The following THSD1 variants were observed in gnomAD, a reference collection of about 807,000 sequenced individuals.
THSD1 encodes the protein thrombospondin type-1 domain-containing protein 1.
Under a neutral mutation model 46.3 loss-of-function variants are expected in THSD1, and 34 were observed. The observed-to-expected ratio is 0.74, with a 90% CI of 0.56 to 0.98. The LOEUF (loss-of-function observed/expected upper bound fraction) is 0.98, where lower values mean the gene tolerates loss of function less well. Among genes scored for constraint, THSD1 ranks in the 50% least tolerant of loss-of-function variants. The pLI is 0.00. For synonymous variants in THSD1, 407 were observed against 416.5 expected (o/e 0.98, Z 0.28); for missense variants, 1,023 against 1,058.3 (o/e 0.97, Z 0.46).
chr13:52,401,392 C>T (rs777639430), intron 2 of THSD1, among the ~76,000 whole-genome samples: 8 of 152,022 alleles, frequency 5.3e-5, no homozygotes, highest in East Asian at 1.9e-4. Flanking sequence ...CTCTGCCTCC[C>T]GGGTTCACGC....
chr13:52,391,818 C>T (rs1363354455), intron 3 of THSD1, among the ~76,000 whole-genome samples: 1 of 151,644 alleles, frequency 6.6e-6, no homozygotes, highest in East Asian at 2.0e-4. Flanking sequence ...GCTGGGATTA[C>T]AGGCGTGAGC....
At chr13:52,404,239 C>T (rs142055577) in intron 1 of THSD1, among the ~76,000 whole-genome samples, 144 of 152,276 alleles carry the variant, frequency 9.5e-4, no homozygotes, top group African/African-American at 3.3e-3. Flanking sequence ...AGCCACCACA[C>T]CCAGCCCACA....
At chr13:52,395,528 G>T (rs1358630637) in intron 3 of THSD1, among the ~76,000 whole-genome samples, 1 of 152,114 alleles carries the variant, frequency 6.6e-6, no homozygotes, top group African/African-American at 2.4e-5. Flanking sequence ...GCAGCACCTG[G>T]AGGCAGGGAA....
intron 3 of THSD1, among the ~76,000 whole-genome samples, chr13:52,389,409 C>A (rs1269737245): frequency 6.6e-6 from 1 of 151,768 alleles, no homozygotes; most frequent in Non-Finnish European, 1.5e-5. Flanking sequence ...CAAAATAAAT[C>A]CAACCATATA....
chr13:52,384,612 T>C (rs1957717168), intron 4 of THSD1, among the ~76,000 whole-genome samples: 1 of 152,196 alleles, frequency 6.6e-6, no homozygotes, highest in Non-Finnish European at 1.5e-5. Context: ...CAATTAATGG[T>C]AATAACAATA....
intron 3 of THSD1, among the ~76,000 whole-genome samples, chr13:52,395,974 G>T (rs1440599282): frequency 6.6e-6 from 1 of 152,208 alleles, no homozygotes; most frequent in Non-Finnish European, 1.5e-5. Flanking sequence ...CAGAGCTGGG[G>T]TGTGTCCTGG....
chr13:52,378,777 G>C lies in THSD1; in HGVS notation c.1193C>G (p.Ser398Cys). ...CTGGGGCTGAAGAGGAGATGGGCTG[G>C]ATGGCTGGAAAGCTGCAAAAAAAAA... ...SLEECAAFQP[S>C]SPSPLQPQGP... Residue 398 changes from serine (S) to cysteine (C), a missense_variant, in exon 5 of 5, where the codon TCC becomes TGC. Around this residue, in one of 3 missense-constraint regions of THSD1, gnomAD observed 429 missense variants for 518.3 expected, o/e 0.83. Transcript: ENST00000258613. 6.3e-7 allele frequency: 1 copy of C among 1,582,082 alleles called. No homozygotes were observed. Among genetic ancestry groups the C allele is most frequent in the Admixed American group, 1.8e-5 (1 of 55,366 alleles).
intron 3 of THSD1, among the ~76,000 whole-genome samples, chr13:52,386,441 A>G (rs921424417): frequency 2.6e-5 from 4 of 152,200 alleles, no homozygotes; most frequent in African/African-American, 9.6e-5. Context: ...GTGCTGCAAT[A>G]AAAGGAAAGA....
In THSD1 at chr13:52,378,181, C is replaced by T. The variant is rs777751260; in HGVS notation, c.1789G>A (p.Val597Ile). The T allele has an allele frequency of 8.7e-6, 14 of 1,614,210 alleles. No individual in the cohort carries two copies. In the Admixed American group the frequency reaches 2.2e-4, roughly 25 times the overall value. Residue 597 changes from valine (V) to isoleucine (I), a missense_variant, in exon 5 of 5, where the codon GTC (valine) becomes ATC (isoleucine). This residue lies in a region of THSD1 where 578 missense variants were observed against 497.4 expected (regional missense o/e 1.16). Coordinates refer to ENST00000258613, the MANE Select transcript of THSD1 (RefSeq NM_018676.4). ...IKSPFPEQPAVSAGERPPSRL... is the reference protein window; with the variant it reads ...IKSPFPEQPAISAGERPPSRL... The stretch of plus-strand genomic sequence containing the variant: ...GAGGGAGGCCTTTCCCCGGCACTGA[C>T]CGCGGGCTGCTCCGGAAATGGGGAT...
intron 1 of THSD1, among the ~76,000 whole-genome samples, chr13:52,405,107 A>G (rs1957897055): frequency 6.6e-6 from 1 of 152,222 alleles, no homozygotes; most frequent in Non-Finnish European, 1.5e-5. Flanking sequence ...ACTTAGATAT[A>G]TTTTATACAC....
chr13:52,405,568 C>T (rs1957900221), intron 1 of THSD1, among the ~76,000 whole-genome samples: 1 of 152,196 alleles, frequency 6.6e-6, no homozygotes, highest in Non-Finnish European at 1.5e-5. Context: ...TGGCTCGCCC[C>T]ATCTACTCAG....
rs1004021340 is a variant in THSD1 at position 52,379,946 on chromosome 13, G to A, written c.1181-1157C>T. On this transcript the variant is annotated intron_variant, in intron 4 of 4. Transcript: ENST00000258613. ...TACATCTTAAGGGAAATTAACTGAC[G>A]AAAGTAAGACTTGGCAATACATAAT... Among the ~76,000 whole-genome samples the A allele has an allele frequency of 3.9e-5, 6 of 152,242 alleles. No individual in the cohort carries two copies. The East Asian group carries it at 1.2e-3, about 29-fold the overall frequency.
At chr13:52,401,550 C>A (rs551602046) in intron 2 of THSD1, among the ~76,000 whole-genome samples, 1 of 152,144 alleles carries the variant, frequency 6.6e-6, no homozygotes, top group Non-Finnish European at 1.5e-5. Context: ...CCGCCCACCC[C>A]GGCCTCCCAA....
chr13:52,377,812 C>T lies in THSD1; in HGVS notation c.2158G>A (p.Gly720Ser), dbSNP rs751195487. ...GATTTAGGGAGAGGGTTTAATGGAC[C>T]ACGGGTTCCACTTGCCTCTTGGAAA... is the stretch of plus-strand genomic sequence containing the variant. ...EHFQEASGTR[G>S]PLNPLPKSYT... is the part of the protein sequence containing the mutation. The change falls in exon 5 of 5, where the codon GGT (glycine) becomes AGT (serine). Residue 720 changes from glycine to serine, a missense_variant. Physicochemically the swap from Gly to Ser is moderately conservative, Grantham distance 56 (BLOSUM62 0). This residue lies in a region of THSD1 where 578 missense variants were observed against 497.4 expected (regional missense o/e 1.16). Coordinates refer to ENST00000258613, the MANE Select transcript of THSD1 (RefSeq NM_018676.4). 6 of 1,614,026 alleles carry T rather than the reference C, an allele frequency of 3.7e-6. No homozygotes were observed. The South Asian group carries it at 6.6e-5, about 18-fold the overall frequency.
chr13:52,400,969 TG>T (rs1251770886), intron 2 of THSD1, among the ~76,000 whole-genome samples: 1 of 152,122 alleles, frequency 6.6e-6, no homozygotes, highest in Non-Finnish European at 1.5e-5. Context: ...TTTTTGTTTT[TG>T]TTTTTTTGTT....
intron 1 of THSD1, among the ~76,000 whole-genome samples, chr13:52,403,934 T>C (rs1245611720): frequency 6.8e-6 from 1 of 147,360 alleles, no homozygotes; most frequent in Non-Finnish European, 1.5e-5. Flanking sequence ...CCCCCATTAT[T>C]CACATTTTTT....
intron 3 of THSD1, among the ~76,000 whole-genome samples, chr13:52,395,721 C>T (rs555612943): frequency 1.3e-5 from 2 of 152,188 alleles, no homozygotes; most frequent in African/African-American, 4.8e-5. Context: ...AGTGTGGTGT[C>T]ACAGAATCAA....
intron 3 of THSD1, among the ~76,000 whole-genome samples, chr13:52,395,001 A>G (rs1429236486): frequency 6.6e-6 from 1 of 152,190 alleles, no homozygotes; most frequent in Non-Finnish European, 1.5e-5. Context: ...GACTTGAAGG[A>G]TGGGTTAATG....
intron 1 of THSD1, among the ~76,000 whole-genome samples, chr13:52,404,637 C>A (rs1957892947): frequency 6.6e-6 from 1 of 152,196 alleles, no homozygotes; most frequent in South Asian, 2.1e-4. Context: ...AAGATCCTTG[C>A]AGAACACATC....
Sources: gnomAD v4.1 joint callset for allele counts (sites outside exome capture counted in the v4.1 genomes callset) on GRCh38, gnomAD v4.1.1 for gene constraint, gnomAD v4.1.1 regional missense constraint, MANE v1.5 for transcripts, NCBI Gene and HGNC (gene_info 2026-07-23, HGNC 2026-07-21) for gene names.